The following DTNB variants were observed in gnomAD, a reference collection of about 807,000 sequenced individuals.
DTNB encodes dystrobrevin beta, also known as DTN-B.
A neutral mutation model predicts 90.7 loss-of-function variants in DTNB; 63 were observed. The observed-to-expected ratio is 0.69, with a 90% CI of 0.57 to 0.86. DTNB has a LOEUF of 0.86. DTNB is among the 40% of genes least tolerant of loss of function. The probability of loss-of-function intolerance (pLI) is 0.00; values close to 1 mark genes in which losing one functional copy is unlikely to be tolerated. For synonymous variants in DTNB, 277 were observed against 286.7 expected, an observed-to-expected ratio of 0.97 and a Z score of 0.34; for missense variants, 744 against 807.1, an observed-to-expected ratio of 0.92 and a Z score of 0.95.
chr2:25,513,077 A>G (rs2074276050), intron 9 of DTNB, among the ~76,000 whole-genome samples: 1 of 152,252 alleles, frequency 6.6e-6, no homozygotes. Context: ...AGAAGAATGA[A>G]AGAGAGCTAA....
chr2:25,395,355 C>T (rs2042111357), intron 16 of DTNB, among the ~76,000 whole-genome samples: 1 of 151,948 alleles, frequency 6.6e-6, no homozygotes, highest in Admixed American at 6.6e-5. Context: ...CAAATACTAC[C>T]TGTTCCCCAA....
At chr2:25,472,782 G>T (rs1234531040) in intron 10 of DTNB, among the ~76,000 whole-genome samples, 1 of 152,226 alleles carries the variant, frequency 6.6e-6, no homozygotes, top group Non-Finnish European at 1.5e-5. Context: ...TACTCAGGAG[G>T]ATGAGGCAGG....
At chr2:25,461,233 T>C (rs1305262227) in intron 10 of DTNB, among the ~76,000 whole-genome samples, 2 of 152,170 alleles carry the variant, frequency 1.3e-5, no homozygotes, top group Non-Finnish European at 2.9e-5. Context: ...AGAACCAGTA[T>C]TGTTTGTCAT....
At chr2:25,415,906 GT>G (rs2047808250) in intron 16 of DTNB, among the ~76,000 whole-genome samples, 1 of 152,150 alleles carries the variant, frequency 6.6e-6, no homozygotes, top group African/African-American at 2.4e-5. Flanking sequence ...ACTAGTAATA[GT>G]GAGTAAAGTG....
At chr2:25,533,891 T>TTGCACTCACCATGCTATACTGC (rs1286285500) in intron 8 of DTNB, among the ~76,000 whole-genome samples, 2 of 152,256 alleles carry the variant, frequency 1.3e-5, no homozygotes. Context: ...GTTTCCACTG[T>TTGCACTCACCATGCTATACTGC]TGCACTCACC....
At chr2:25,529,771 T>C (rs900892911) in intron 9 of DTNB, among the ~76,000 whole-genome samples, 2 of 152,210 alleles carry the variant, frequency 1.3e-5, no homozygotes, top group African/African-American at 4.8e-5. Flanking sequence ...ACTATGTGAC[T>C]GTGTAATGAA....
At chr2:25,529,477 C>A (rs919084738) in intron 9 of DTNB, among the ~76,000 whole-genome samples, 8 of 150,844 alleles carry the variant, frequency 5.3e-5, no homozygotes, top group Admixed American at 4.0e-4. Context: ...AAACACGACC[C>A]AAAAGGGAAA....
At chr2:25,627,686 G>T (rs1239848105) in intron 4 of DTNB, among the ~76,000 whole-genome samples, 10 of 150,952 alleles carry the variant, frequency 6.6e-5, no homozygotes, top group African/African-American at 2.4e-4. Flanking sequence ...CTCTAGGACA[G>T]TAAGTCACTG....
chr2:25,454,293 T>G (rs1025590324), intron 11 of DTNB, among the ~76,000 whole-genome samples: 3 of 152,226 alleles, frequency 2.0e-5, no homozygotes, highest in Admixed American at 2.0e-4. Context: ...CTTTTTCATA[T>G]GTATATTTCC....
At chr2:25,434,261 C>G (rs1191545756) in intron 12 of DTNB, among the ~76,000 whole-genome samples, 1 of 152,146 alleles carries the variant, frequency 6.6e-6, no homozygotes, top group Non-Finnish European at 1.5e-5. Context: ...CACCCCCAAC[C>G]TCAGGCAGCC....
chr2:25,425,528 G>A (rs1054614064), intron 15 of DTNB, among the ~76,000 whole-genome samples: 3 of 152,210 alleles, frequency 2.0e-5, no homozygotes, highest in African/African-American at 7.2e-5. Flanking sequence ...GGGCCTGGAG[G>A]ATGAAATTAG....
chr2:25,623,511 G>C (rs930260339), intron 4 of DTNB, among the ~76,000 whole-genome samples: 8 of 152,280 alleles, frequency 5.3e-5, no homozygotes, highest in Admixed American at 3.9e-4. Flanking sequence ...GAGCCCAAAG[G>C]CTTCACCTAA....
intron 4 of DTNB, among the ~76,000 whole-genome samples, chr2:25,615,779 A>G (rs1021038971): frequency 6.6e-6 from 1 of 152,194 alleles, no homozygotes; most frequent in South Asian, 2.1e-4. Flanking sequence ...TGAATTCACA[A>G]AAGGGTATTT....
chr2:25,501,350 G>A (rs898090219), intron 9 of DTNB, among the ~76,000 whole-genome samples: 34 of 152,118 alleles, frequency 2.2e-4, no homozygotes, highest in African/African-American at 3.6e-4. Flanking sequence ...CCAACTAGCC[G>A]GGACTACAGA....
At chr2:25,419,328 T>A in intron 16 of DTNB, 187 bp downstream of exon 16, 2 of 820,766 alleles carry the variant, frequency 2.4e-6, no homozygotes, top group Non-Finnish European at 4.0e-6. Context: ...GAACATGCTC[T>A]ACTGGGTAAA....
chr2:25,439,833 A>T (rs2056963205), intron 12 of DTNB, among the ~76,000 whole-genome samples: 1 of 152,230 alleles, frequency 6.6e-6, no homozygotes, highest in Admixed American at 6.5e-5. Flanking sequence ...ACAAATGCTG[A>T]TAATTATAAC....
chr2:25,622,119 T>C (rs991426587), intron 4 of DTNB, among the ~76,000 whole-genome samples: 6 of 152,254 alleles, frequency 3.9e-5, no homozygotes, highest in Non-Finnish European at 8.8e-5. Flanking sequence ...ACAGACTCAT[T>C]TGTAAAACAT....
intron 16 of DTNB, among the ~76,000 whole-genome samples, chr2:25,418,698 C>CAA (rs565809547): frequency 0.017 from 1,396 of 83,568 alleles, 32 homozygotes; most frequent in African/African-American, 0.058. Context: ...GACACCGTCT[C>CAA]AAAAAAAAAA....
In DTNB at chr2:25,628,397, G is replaced by A. The variant is rs1243624616; in HGVS notation, c.149-13C>T. On this transcript the variant is annotated splice_polypyrimidine_tract_variant and intron_variant, in intron 3 of 20. Transcript: ENST00000406818. ...TCAACAAGATGAACTAAAAGACAAA[G>A]AAAATAAACTGTCAACAATTTTAAA... The A allele has an allele frequency of 3.7e-6, 6 of 1,607,442 alleles. No individual in the cohort carries two copies. The highest frequency in any genetic ancestry group is 3.4e-5 in the South Asian group (3 of 89,490).
Sources: allele counts gnomAD v4.1 joint callset (sites outside exome capture counted in the v4.1 genomes callset), GRCh38; gene constraint gnomAD v4.1.1; transcripts MANE v1.5; gene names NCBI Gene and HGNC (gene_info 2026-07-23, HGNC 2026-07-21).